Variants in XRCC4 observed in about 807,000 individuals in gnomAD.
The protein encoded by XRCC4 is X-ray repair cross complementing 4.
Under a neutral mutation model 39.1 loss-of-function variants are expected in XRCC4, and 28 were observed. The ratio of observed to expected loss-of-function variants is 0.72; its 90% CI spans 0.53 to 0.98. The LOEUF (loss-of-function observed/expected upper bound fraction) is 0.98, where lower values mean the gene tolerates loss of function less well. Among genes scored for constraint, XRCC4 ranks in the 50% least tolerant of loss-of-function variants. The pLI is 0.00. For missense variants in XRCC4, 350 were observed against 376.4 expected, an observed-to-expected ratio of 0.93 and a Z score of 0.58; for synonymous variants, 123 against 126.4, an observed-to-expected ratio of 0.97 and a Z score of 0.18.
At chr5:83,130,787 T>A (rs1030594281) in intron 3 of XRCC4, among the ~76,000 whole-genome samples, 8 of 152,182 alleles carry the variant, frequency 5.3e-5, no homozygotes, top group Non-Finnish European at 7.3e-5. Context: ...CTGATGGTAG[T>A]TTTTATTTCT....
At chr5:83,093,458 A>G (rs1156340335) in intron 1 of XRCC4, among the ~76,000 whole-genome samples, 1 of 152,058 alleles carries the variant, frequency 6.6e-6, no homozygotes, top group Non-Finnish European at 1.5e-5. Flanking sequence ...AATGAAATGA[A>G]CCGTAACAGA....
At chr5:83,300,309 GA>G (rs955950827) in intron 7 of XRCC4, among the ~76,000 whole-genome samples, 2 of 150,008 alleles carry the variant, frequency 1.3e-5, no homozygotes, top group African/African-American at 2.4e-5. Flanking sequence ...GTGCTATTAA[GA>G]AAAAAAAAGT....
At chr5:83,182,066 T>A (rs1426833652) in intron 3 of XRCC4, among the ~76,000 whole-genome samples, 3 of 152,184 alleles carry the variant, frequency 2.0e-5, no homozygotes, top group Non-Finnish European at 2.9e-5. Context: ...AGAAAACCTC[T>A]GGTTTTCTCA....
At chr5:83,215,971 CAAAAT>C (rs1396465065) in intron 6 of XRCC4, among the ~76,000 whole-genome samples, 5 of 151,476 alleles carry the variant, frequency 3.3e-5, no homozygotes, top group African/African-American at 1.2e-4. Context: ...TGGATTTCGT[CAAAAT>C]AAAAAAAATT....
intron 3 of XRCC4, among the ~76,000 whole-genome samples, chr5:83,153,884 T>C (rs1748834860): frequency 6.6e-6 from 1 of 152,244 alleles, no homozygotes; most frequent in Non-Finnish European, 1.5e-5. Flanking sequence ...TTGTTACTGG[T>C]AGAAGACACT....
At chr5:83,279,056 A>G (rs1414452346) in intron 7 of XRCC4, among the ~76,000 whole-genome samples, 3 of 145,712 alleles carry the variant, frequency 2.1e-5, no homozygotes, top group African/African-American at 7.5e-5. Context: ...ATATATTTTT[A>G]TAATATATAT....
chr5:83,103,025 T>TATATATATACAC (rs943955057), intron 1 of XRCC4, among the ~76,000 whole-genome samples: 2 of 142,660 alleles, frequency 1.4e-5, no homozygotes, highest in African/African-American at 5.5e-5. Context: ...TATATATATA[T>TATATATATACAC]ATATATGTCA....
chr5:83,309,755 CAAAAAAAAAAAAAAAAA>C (rs10597317), intron 7 of XRCC4, among the ~76,000 whole-genome samples: 1 of 79,052 alleles, frequency 1.3e-5, no homozygotes, highest in African/African-American at 4.5e-5. Flanking sequence ...AGACCCGTCT[CAAAAAAAAAAAAAAAAA>C]AAAAAAAAAG....
At chr5:83,085,372 A>G (rs1240449960) in intron 1 of XRCC4, among the ~76,000 whole-genome samples, 1 of 152,224 alleles carries the variant, frequency 6.6e-6, no homozygotes, top group Non-Finnish European at 1.5e-5. Flanking sequence ...GACACAGTAT[A>G]TCAATAAATA....
intron 6 of XRCC4, among the ~76,000 whole-genome samples, chr5:83,205,871 G>A (rs1334779429): frequency 6.6e-6 from 1 of 151,972 alleles, no homozygotes; most frequent in African/African-American, 2.4e-5. Flanking sequence ...TCAGTGAGAA[G>A]GTGAAGGTGA....
intron 3 of XRCC4, among the ~76,000 whole-genome samples, chr5:83,165,285 A>G (rs1749408107): frequency 6.6e-6 from 1 of 150,798 alleles, no homozygotes; most frequent in Non-Finnish European, 1.5e-5. Context: ...TCTTGAAGTA[A>G]TAAACATGTC....
At chr5:83,138,264 C>T (rs1229968678) in intron 3 of XRCC4, among the ~76,000 whole-genome samples, 2 of 152,108 alleles carry the variant, frequency 1.3e-5, no homozygotes, top group African/African-American at 4.8e-5. Flanking sequence ...CATTACAAGC[C>T]ATACTGCTTG....
chr5:83,188,647 T>G (rs187263804), intron 3 of XRCC4, among the ~76,000 whole-genome samples: 1 of 152,076 alleles, frequency 6.6e-6, no homozygotes. Flanking sequence ...AGAACTGGCA[T>G]GTCACATGGC....
intron 6 of XRCC4, among the ~76,000 whole-genome samples, chr5:83,212,950 T>TA (rs200863996): frequency 0.079 from 8,039 of 101,400 alleles, 765 homozygotes; most frequent in East Asian, 0.5. Flanking sequence ...AACACCAAAA[T>TA]AAAAAAAAAA....
chr5:83,195,428 C>A (rs1291138810), intron 3 of XRCC4, among the ~76,000 whole-genome samples: 1 of 152,032 alleles, frequency 6.6e-6, no homozygotes, highest in African/African-American at 2.4e-5. Flanking sequence ...TATATAATTC[C>A]TTTTCTTATT....
chr5:83,331,602 A>T (rs2112167841), intron 7 of XRCC4, among the ~76,000 whole-genome samples: 1 of 152,272 alleles, frequency 6.6e-6, no homozygotes, highest in Non-Finnish European at 1.5e-5. Context: ...TATAAGCAAA[A>T]GAAAAATTTC....
intron 1 of XRCC4, among the ~76,000 whole-genome samples, chr5:83,080,442 A>G (rs903598171): frequency 1.3e-5 from 2 of 151,716 alleles, no homozygotes; most frequent in Non-Finnish European, 2.9e-5. Context: ...AGGAGAATCA[A>G]TTGAACCCGG....
At position 83,258,571 on chromosome 5, in the gene XRCC4, G is replaced by T; in HGVS notation, c.787G>T (p.Val263Phe). The change falls in exon 7 of 8, where the codon GTC becomes TTC. Residue 263 changes from valine (V) to phenylalanine (F), a missense_variant. By Grantham distance (50) the Val-to-Phe change is conservative. Coordinates refer to ENST00000396027, the MANE Select transcript of XRCC4 (RefSeq NM_003401.5). ...KDDSIISSLDVTDIAPSRKRR... is the reference protein window; with the variant it reads ...KDDSIISSLDFTDIAPSRKRR... ...TGATTCCATTATTTCAAGTCTTGAT[G>T]TCACTGATATTGCACCAAGTAGAAA... 6.2e-7 allele frequency: 1 copy of T among 1,608,902 alleles called. No homozygotes were observed. Among genetic ancestry groups the T allele is most frequent in the Admixed American group, 1.7e-5 (1 of 58,564 alleles).
chr5:83,371,854 A>G, the XRCC4 span, among the ~76,000 whole-genome samples: 3 of 152,344 alleles, frequency 2.0e-5, no homozygotes, highest in East Asian at 5.8e-4. Flanking sequence ...AGGCAGACAC[A>G]CACAAAAAAG....
Sources: gnomAD v4.1 joint callset for allele counts (sites outside exome capture counted in the v4.1 genomes callset) on GRCh38, gnomAD v4.1.1 for gene constraint, MANE v1.5 for transcripts, NCBI Gene and HGNC (gene_info 2026-07-23, HGNC 2026-07-21) for gene names.